The following SCARB2 variants were observed in gnomAD, a reference collection of about 807,000 sequenced individuals.
SCARB2 encodes the protein lysosome membrane protein 2.
SCARB2 carries 29 observed loss-of-function variants against 58.6 expected under a neutral mutation model. The observed-to-expected ratio is 0.49, with a 90% CI of 0.37 to 0.67. SCARB2 has a LOEUF of 0.67. Ranked by LOEUF, SCARB2 falls within the 30% of genes least tolerant of loss-of-function variation. SCARB2 has a pLI of 0.00. For synonymous variants in SCARB2, 195 were observed against 210.1 expected (o/e 0.93, Z 0.62); for missense variants, 488 against 578.5 (o/e 0.84, Z 1.60).
At chr4:76,181,241 C>T (rs1356735963) in intron 2 of SCARB2, 140 bp from the exon 3 acceptor site, 1 of 826,760 alleles carries the variant, frequency 1.2e-6, no homozygotes, top group East Asian at 2.7e-5. Flanking sequence ...GCTACTAAGC[C>T]TTAAAAAGCT....
At position 76,176,507 on chromosome 4, in the gene SCARB2, C is replaced by T. The variant is rs1021169244; in HGVS notation, c.634G>A (p.Asp212Asn). 1.9e-6 allele frequency: 3 copies of T among 1,610,770 alleles called. No individual in the cohort carries two copies. In the African/African-American group the frequency reaches 4.0e-5, roughly 21 times the overall value. ...TCTTCTCCAGTTAGAAAAACATAGT[C>T]TCCATCATTAGTCCCATTTTTCTGA... ...FYEKNGTNDG[D>N]YVFLTGEDSY... The change falls in exon 5 of 12, where the codon GAC becomes AAC. Residue 212 changes from aspartate (D) to asparagine (N), a missense_variant. Asp to Asn is a conservative substitution (Grantham distance 23). Coordinates refer to ENST00000264896, the MANE Select transcript of SCARB2 (RefSeq NM_005506.4).
Position 76,161,686 on chromosome 4 carries a change from A to G in SCARB2, c.*27T>C, listed in dbSNP as rs1731901293. 2 of 1,613,628 alleles carry G rather than the reference A, an allele frequency of 1.2e-6. No individual in the cohort carries two copies. The highest frequency in any genetic ancestry group is 1.3e-5 in the African/African-American group (1 of 75,026). ...TCGTCCAGGTCAGGACAGCTCACAC[A>G]GTTTCTTCACCAAGCAAAGGCAATG... is the stretch of plus-strand genomic sequence containing the variant. On this transcript the variant is annotated 3_prime_UTR_variant, in exon 12 of 12. Coordinates refer to ENST00000264896, the MANE Select transcript of SCARB2 (RefSeq NM_005506.4).
chr4:76,158,875 C>T lies in SCARB2; in HGVS notation c.*2838G>A, dbSNP rs1211415308. On this transcript the variant is annotated 3_prime_UTR_variant, in exon 12 of 12. Coordinates refer to ENST00000264896, the MANE Select transcript of SCARB2 (RefSeq NM_005506.4). The stretch of plus-strand genomic sequence containing the variant: ...TCTGGTCAGTATTCTTGTTAACAGG[C>T]ACAAGCAATTTAGTGATAATGTCCA... 3 of 152,198 alleles carry T rather than the reference C, an allele frequency of 2.0e-5. No individual in the cohort carries two copies. The highest frequency in any genetic ancestry group is 2.9e-5 in the Non-Finnish European group (2 of 68,042). 9.4% of individuals were successfully genotyped at this position (152,198 alleles called of 1,614,324 possible). A position where few individuals can be genotyped will look rare whatever the true frequency, so the allele number is the denominator to read the frequency against.
intron 9 of SCARB2, among the ~76,000 whole-genome samples, chr4:76,168,169 A>C (rs774045313): frequency 1.3e-5 from 2 of 152,258 alleles, no homozygotes; most frequent in Non-Finnish European, 2.9e-5. Flanking sequence ...AATCCACATA[A>C]GGTGCTGAGA....
Position 76,213,695 on chromosome 4 carries a change from G to C in SCARB2, c.-152C>G, listed in dbSNP as rs1330488278. The stretch of plus-strand genomic sequence containing the variant: ...GCACGGTTCGTGCGCGCAGCTCTGG[G>C]CTCCGCGGCCTGGCGAGCGCGGCCC... On this transcript the variant is annotated 5_prime_UTR_variant, in exon 1 of 12. Transcript: ENST00000264896. The C allele has an allele frequency of 6.9e-6, 4 of 579,504 alleles. No homozygotes were observed. The highest frequency in any genetic ancestry group is 1.2e-5 in the Non-Finnish European group (4 of 342,374). The allele number at this position is 579,504 out of a possible 1,614,324, so 35.9% of individuals were successfully genotyped here. A position where few individuals can be genotyped will look rare whatever the true frequency, so the allele number is the denominator to read the frequency against.
chr4:76,193,038 G>A (rs1012727447), intron 2 of SCARB2: 2 of 152,212 alleles, frequency 1.3e-5, no homozygotes, highest in Non-Finnish European at 2.9e-5. Flanking sequence ...TGAGACCTAA[G>A]AGGACTGAGT....
At chr4:76,207,009 T>C (rs1732943296) in intron 1 of SCARB2, among the ~76,000 whole-genome samples, 1 of 152,192 alleles carries the variant, frequency 6.6e-6, no homozygotes. Flanking sequence ...ACAGGGATAT[T>C]ATGTATTTTT....
Sources: gnomAD v4.1 joint callset for allele counts (sites outside exome capture counted in the v4.1 genomes callset) on GRCh38, gnomAD v4.1.1 for gene constraint, MANE v1.5 for transcripts, NCBI Gene and HGNC (gene_info 2026-07-23, HGNC 2026-07-21) for gene names.